The following SYT16 variants were observed in gnomAD, a reference collection of about 807,000 sequenced individuals.
SYT16 encodes synaptotagmin 16.
In SYT16, 42 loss-of-function variants were observed where a neutral mutation model predicts 61.4. That is an observed-to-expected ratio of 0.68 (90% CI 0.53 to 0.89). The LOEUF (loss-of-function observed/expected upper bound fraction) is 0.89, where lower values mean the gene tolerates loss of function less well. Among genes scored for constraint, SYT16 ranks in the 40% least tolerant of loss-of-function variants. The probability of loss-of-function intolerance (pLI) is 0.00; values close to 1 mark genes in which losing one functional copy is unlikely to be tolerated. For missense variants in SYT16, 804 were observed against 807.3 expected, an observed-to-expected ratio of 1.00 and a Z score of 0.05; for synonymous variants, 314 against 302.3, an observed-to-expected ratio of 1.04 and a Z score of -0.40.
Position 61,957,363 on chromosome 14 carries a change from G to A in SYT16, c.-324-12769G>A, listed in dbSNP as rs540155761. ...TTTCAGGACTATATTGGAGCTCATA[G>A]TATGGTCATCCTTGTCTTATTTTGG... On this transcript the variant is annotated intron_variant, in intron 1 of 7. Transcript: ENST00000683842. 3.9e-5 allele frequency among the ~76,000 whole-genome samples: 6 copies of A among 152,014 alleles called. 1 individual carries two copies. In the South Asian group the frequency reaches 6.2e-4, roughly 16 times the overall value.
chr14:62,042,638 G>T (rs2054782024), intron 3 of SYT16, among the ~76,000 whole-genome samples: 1 of 152,198 alleles, frequency 6.6e-6, no homozygotes, highest in Non-Finnish European at 1.5e-5. Flanking sequence ...TTCTTTCCAT[G>T]ATTCTGAATC....
chr14:61,968,409 T>C (rs112504242), intron 1 of SYT16, among the ~76,000 whole-genome samples: 45 of 152,168 alleles, frequency 3.0e-4, no homozygotes, highest in African/African-American at 1.0e-3. Context: ...CTCATGCAAA[T>C]GAGAAAGACA....
Position 62,075,224 on chromosome 14 carries a change from G to A in SYT16, c.826G>A (p.Glu276Lys). ...HIPAHSQSPC[E>K]RGDAKHHGTS... Reference sequence around the variant, plus strand: ...CCCTGCTCACTCACAGTCCCCATGTGAAAGAGGGGATGCCAAACACCACGG... The same window carrying A: ...CCCTGCTCACTCACAGTCCCCATGTAAAAGAGGGGATGCCAAACACCACGG... Residue 276 changes from glutamate (E) to lysine (K), a missense_variant, in exon 5 of 8, where the codon GAA (glutamate) becomes AAA (lysine). By Grantham distance (56) the Glu-to-Lys change is moderately conservative (BLOSUM62 1). Transcript: ENST00000683842. 6.2e-7 allele frequency: 1 copy of A among 1,613,728 alleles called. No homozygotes were observed. Among genetic ancestry groups the A allele is most frequent in the Non-Finnish European group, 8.5e-7 (1 of 1,179,772 alleles).
At chr14:62,047,043 G>A (rs1467993665) in intron 3 of SYT16, among the ~76,000 whole-genome samples, 4 of 152,164 alleles carry the variant, frequency 2.6e-5, no homozygotes, top group African/African-American at 9.7e-5. Context: ...ATTACCTTGG[G>A]CAGTATGGCC....
intron 2 of SYT16, among the ~76,000 whole-genome samples, chr14:61,975,827 A>G (rs2051767351): frequency 6.6e-6 from 1 of 152,176 alleles, no homozygotes; most frequent in Admixed American, 6.5e-5. Flanking sequence ...CCCAAATCTC[A>G]TGTCTCTTTC....
intron 3 of SYT16, among the ~76,000 whole-genome samples, chr14:62,058,218 C>G (rs1178331483): frequency 3.3e-5 from 5 of 152,024 alleles, no homozygotes; most frequent in African/African-American, 9.6e-5. Flanking sequence ...TTGACTATTA[C>G]ACATGAAGCT....
At chr14:62,006,218 A>G (rs1403294925) in intron 3 of SYT16, among the ~76,000 whole-genome samples, 1 of 151,852 alleles carries the variant, frequency 6.6e-6, no homozygotes, top group African/African-American at 2.4e-5. Flanking sequence ...GATTTTACTG[A>G]TGGGTTAACA....
chr14:61,878,799 T>C (rs1252169308), intron 1 of SYT16, among the ~76,000 whole-genome samples: 1 of 152,226 alleles, frequency 6.6e-6, no homozygotes, highest in African/African-American at 2.4e-5. Flanking sequence ...CAACCTGCTG[T>C]GGACTAGGAA....
chr14:62,017,265 T>G (rs2053726048), intron 3 of SYT16, among the ~76,000 whole-genome samples: 1 of 152,244 alleles, frequency 6.6e-6, no homozygotes, highest in Non-Finnish European at 1.5e-5. Flanking sequence ...TTAGTTTCCT[T>G]TGCTTGATCT....
chr14:61,816,814 A>G (rs966950081), intron 1 of SYT16, among the ~76,000 whole-genome samples: 2 of 151,248 alleles, frequency 1.3e-5, no homozygotes, highest in African/African-American at 4.9e-5. Flanking sequence ...GATGAAGACC[A>G]TCCTGGCTAA....
intron 1 of SYT16, among the ~76,000 whole-genome samples, chr14:61,879,262 A>G (rs1363991131): frequency 3.9e-5 from 6 of 152,170 alleles, no homozygotes; most frequent in Non-Finnish European, 8.8e-5. Flanking sequence ...AAAACAGAAA[A>G]GTGTGCCTTT....
In SYT16 at chr14:62,111,882, T is replaced by C. The variant is rs2057615281; in HGVS notation, c.*11175T>C. The C allele has an allele frequency of 6.6e-6, 1 of 152,114 alleles. No homozygotes were observed. Among genetic ancestry groups the C allele is most frequent in the Non-Finnish European group, 1.5e-5 (1 of 67,958 alleles). The allele number at this position is 152,114 out of a possible 1,614,324, so 9.4% of individuals were successfully genotyped here. A position where few individuals can be genotyped will look rare whatever the true frequency, so the allele number is the denominator to read the frequency against. On this transcript the variant is annotated 3_prime_UTR_variant, in exon 8 of 8. Coordinates refer to ENST00000683842, the MANE Select transcript of SYT16 (RefSeq NM_001367656.1). ...CTTGTGTTTCTCATAGTATGACTTA[T>C]TGATTCATGGTGTCTCTTATTAAAG...
chr14:62,016,645 A>G (rs535636857), intron 3 of SYT16, among the ~76,000 whole-genome samples: 5 of 151,902 alleles, frequency 3.3e-5, no homozygotes, highest in Non-Finnish European at 7.4e-5. Flanking sequence ...CCCGGGAGGC[A>G]GAGCTTGAAG....
At chr14:61,848,529 C>T (rs568697828) in intron 1 of SYT16, among the ~76,000 whole-genome samples, 1 of 152,300 alleles carries the variant, frequency 6.6e-6, no homozygotes, top group East Asian at 1.9e-4. Flanking sequence ...GACCTGGAAC[C>T]AGCACAACAC....
At chr14:62,011,995 G>T (rs2053486970) in intron 3 of SYT16, among the ~76,000 whole-genome samples, 1 of 114,622 alleles carries the variant, frequency 8.7e-6, no homozygotes, top group African/African-American at 3.5e-5. Context: ...CTTTTCTCCT[G>T]CATGTTAAAA....
intron 7 of SYT16, among the ~76,000 whole-genome samples, 155 bp downstream of exon 7, chr14:62,084,540 T>A (rs1008740657): frequency 2.0e-5 from 3 of 152,232 alleles, no homozygotes; most frequent in African/African-American, 7.2e-5. Context: ...ATTTTTTAAA[T>A]GGCTCTCTAT....
intron 2 of SYT16, among the ~76,000 whole-genome samples, chr14:61,992,073 C>T (rs2052575629): frequency 6.6e-6 from 1 of 152,036 alleles, no homozygotes; most frequent in South Asian, 2.1e-4. Context: ...GACTCCCAGT[C>T]CATTGGAAGA....
intron 1 of SYT16, among the ~76,000 whole-genome samples, chr14:61,836,017 T>C (rs141346541): frequency 6.6e-6 from 1 of 152,332 alleles, no homozygotes; most frequent in East Asian, 1.9e-4. Flanking sequence ...GAAATTTAAT[T>C]AATCAGAACT....
intron 3 of SYT16, among the ~76,000 whole-genome samples, chr14:62,027,246 A>G (rs28655514): frequency 0.11 from 16,068 of 152,178 alleles, 1,234 homozygotes; most frequent in African/African-American, 0.21. Flanking sequence ...TTCCCATCCT[A>G]ATTCAGCCTT....
Sources: gnomAD v4.1 joint callset for allele counts (sites outside exome capture counted in the v4.1 genomes callset) on GRCh38, gnomAD v4.1.1 for gene constraint, MANE v1.5 for transcripts, NCBI Gene and HGNC (gene_info 2026-07-23, HGNC 2026-07-21) for gene names.